The following LCORL variants were observed in gnomAD, a reference collection of about 807,000 sequenced individuals.
LCORL encodes the protein ligand dependent nuclear receptor corepressor like, also known as ligand-dependent nuclear receptor corepressor-like protein.
LCORL carries 41 observed loss-of-function variants against 141.8 expected under a neutral mutation model. That is an observed-to-expected ratio of 0.29 (90% CI 0.23 to 0.38). LCORL has a LOEUF of 0.38. LCORL is among the 10% of genes least tolerant of loss of function. The pLI, the probability that LCORL is intolerant of heterozygous loss-of-function variation, is 1.00. For missense variants in LCORL, 1,759 were observed against 2,035.0 expected (o/e 0.86, Z 2.61); for synonymous variants, 618 against 694.1 (o/e 0.89, Z 1.72).
chr4:17,880,700 T>C (rs1727450305), intron 6 of LCORL: 4 of 974,610 alleles, frequency 4.1e-6, no homozygotes, highest in Non-Finnish European at 4.9e-6. Flanking sequence ...AGTGCTTTAC[T>C]ACAAATTACA....
exon 7 of LCORL, chr4:17,876,896 T>C (rs1726981293): frequency 1.6e-6 from 2 of 1,230,814 alleles, no homozygotes; most frequent in East Asian, 3.2e-5. Context: ...GCAGTGACTG[T>C]AATGCATAAT....
At chr4:17,982,099 CGTGTGTGT>C (rs57094203) in intron 1 of LCORL, among the ~76,000 whole-genome samples, 7,215 of 136,434 alleles carry the variant, frequency 0.053, 312 homozygotes, top group African/African-American at 0.13. Flanking sequence ...AGTATTCCAT[CGTGTGTGT>C]GTGTGTGTGT....
intron 1 of LCORL, among the ~76,000 whole-genome samples, chr4:17,985,074 G>A (rs1483217717): frequency 6.6e-6 from 1 of 152,094 alleles, no homozygotes; most frequent in East Asian, 1.9e-4. Context: ...CAATTGCATA[G>A]TTTTGAGTGA....
At chr4:18,008,947 G>A (rs1165410641) in intron 1 of LCORL, among the ~76,000 whole-genome samples, 1 of 152,058 alleles carries the variant, frequency 6.6e-6, no homozygotes, top group African/African-American at 2.4e-5. Flanking sequence ...GAGAGTAAAT[G>A]TCTACATAAT....
At chr4:17,882,983 CTTA>C in intron 6 of LCORL, 2 of 937,346 alleles carry the variant, frequency 2.1e-6, no homozygotes, top group Non-Finnish European at 2.5e-6. Context: ...AGTACTCCAT[CTTA>C]TTATATTAAA....
intron 5 of LCORL, among the ~76,000 whole-genome samples, chr4:17,899,307 T>C (rs1197462778): frequency 6.6e-6 from 1 of 152,184 alleles, no homozygotes; most frequent in Non-Finnish European, 1.5e-5. Context: ...ATTTATCATT[T>C]TCTTATTGTT....
rs71603383 is a variant in LCORL at position 17,851,338 on chromosome 4, A to G, written c.5603-5437T>C. Reference sequence around the variant, plus strand: ...TGGAAAGAAGTCTATCGGTGCTCCAAGCCCCTCTTCTGGGGCAACTATTGT... The same window carrying G: ...TGGAAAGAAGTCTATCGGTGCTCCAGGCCCCTCTTCTGGGGCAACTATTGT... On this transcript the variant is annotated intron_variant, in intron 7 of 7. Coordinates refer to ENST00000635767, the Ensembl canonical transcript of LCORL. Among the ~76,000 whole-genome samples, 1,514 of 152,252 alleles carry G rather than the reference A, an allele frequency of 9.9e-3. 14 individuals carry two copies. Among genetic ancestry groups the G allele is most frequent in the Non-Finnish European group, 0.016 (1,074 of 67,992 alleles).
At chr4:17,999,453 C>CA (rs1311925734) in intron 1 of LCORL, among the ~76,000 whole-genome samples, 1,490 of 105,418 alleles carry the variant, frequency 0.014, 19 homozygotes, top group South Asian at 0.061. Context: ...CTCCGTCTCA[C>CA]AAAAAAAAAA....
exon 7 of LCORL, chr4:17,873,505 T>A: frequency 8.1e-7 from 1 of 1,233,968 alleles, no homozygotes; most frequent in Non-Finnish European, 1.0e-6. Context: ...TTCAAATTGC[T>A]AAGAACTTCA....
chr4:17,943,027 C>T (rs1411566958), intron 4 of LCORL, among the ~76,000 whole-genome samples: 2 of 152,260 alleles, frequency 1.3e-5, no homozygotes, highest in East Asian at 1.9e-4. Flanking sequence ...AGTTTTATCC[C>T]GAAACCATCT....
chr4:17,979,987 T>C (rs376494725), intron 1 of LCORL, among the ~76,000 whole-genome samples: 2 of 152,132 alleles, frequency 1.3e-5, no homozygotes, highest in African/African-American at 4.8e-5. Context: ...CCTCATGCCA[T>C]GGAATGCCAG....
At chr4:17,916,640 TGTC>T (rs1733463825) in intron 4 of LCORL, among the ~76,000 whole-genome samples, 1 of 147,836 alleles carries the variant, frequency 6.8e-6, no homozygotes, top group Non-Finnish European at 1.5e-5. Context: ...GCCAATTAAA[TGTC>T]TTTTTTTTTT....
At chr4:17,979,426 T>A (rs1225561611) in intron 1 of LCORL, among the ~76,000 whole-genome samples, 1 of 152,218 alleles carries the variant, frequency 6.6e-6, no homozygotes, top group Non-Finnish European at 1.5e-5. Flanking sequence ...TCTGACTTGT[T>A]AATCTCAGCA....
chr4:17,918,539 T>C (rs943776399), intron 4 of LCORL, among the ~76,000 whole-genome samples: 3 of 152,114 alleles, frequency 2.0e-5, no homozygotes, highest in African/African-American at 4.8e-5. Context: ...ACAGAAATTG[T>C]GATGTTGAAA....
intron 4 of LCORL, among the ~76,000 whole-genome samples, chr4:17,924,463 C>T (rs1442385874): frequency 6.6e-6 from 1 of 152,190 alleles, no homozygotes; most frequent in African/African-American, 2.4e-5. Flanking sequence ...ACACTGAGCC[C>T]TCAATATGGC....
chr4:17,902,591 A>G (rs1731050202), intron 5 of LCORL, among the ~76,000 whole-genome samples: 1 of 152,152 alleles, frequency 6.6e-6, no homozygotes, highest in Non-Finnish European at 1.5e-5. Context: ...TTAAGCATAC[A>G]TAACATCATA....
intron 1 of LCORL, among the ~76,000 whole-genome samples, chr4:17,994,162 A>G (rs1720520143): frequency 6.6e-6 from 1 of 152,200 alleles, no homozygotes; most frequent in Non-Finnish European, 1.5e-5. Context: ...TCCTAATTAA[A>G]TTAATTAAAA....
intron 4 of LCORL, among the ~76,000 whole-genome samples, chr4:17,948,506 C>G (rs773103011): frequency 6.6e-6 from 1 of 152,026 alleles, no homozygotes; most frequent in African/African-American, 2.4e-5. Flanking sequence ...CAGTGTTATA[C>G]ATATTACCTC....
chr4:17,854,273 T>C (rs1342380183), intron 7 of LCORL, among the ~76,000 whole-genome samples: 2 of 152,166 alleles, frequency 1.3e-5, no homozygotes, highest in Non-Finnish European at 2.9e-5. Context: ...AAAGAATTTA[T>C]GTAAAGCACT....
Sources: allele counts gnomAD v4.1 joint callset (sites outside exome capture counted in the v4.1 genomes callset), GRCh38; gene constraint gnomAD v4.1.1; transcripts MANE v1.5; gene names NCBI Gene and HGNC (gene_info 2026-07-23, HGNC 2026-07-21).